SLC41A2: variants seen among roughly 807,000 people sequenced by gnomAD.
The protein encoded by SLC41A2 is solute carrier family 41 member 2.
Under a neutral mutation model 58.3 loss-of-function variants are expected in SLC41A2, and 32 were observed. The ratio of observed to expected loss-of-function variants is 0.55; its 90% CI spans 0.41 to 0.74. The LOEUF (loss-of-function observed/expected upper bound fraction) is 0.74, where lower values mean the gene tolerates loss of function less well. Ranked by LOEUF, SLC41A2 falls within the 30% of genes least tolerant of loss-of-function variation. The pLI is 0.00. For missense variants in SLC41A2, 514 were observed against 680.6 expected, an observed-to-expected ratio of 0.76 and a Z score of 2.72; for synonymous variants, 190 against 235.0, an observed-to-expected ratio of 0.81 and a Z score of 1.75.
chr12:104,913,639 T>C (rs1433395448), intron 2 of SLC41A2, among the ~76,000 whole-genome samples: 1 of 152,222 alleles, frequency 6.6e-6, no homozygotes, highest in East Asian at 1.9e-4. Context: ...TATTTCCTTT[T>C]TCCCCTCCTT....
intron 7 of SLC41A2, 111 bp downstream of exon 7, chr12:104,866,320 CA>C (rs138484673): frequency 0.031 from 38,621 of 1,255,612 alleles, 697 homozygotes; most frequent in Non-Finnish European, 0.035. Flanking sequence ...ACAGGCAATT[CA>C]TTTATTTTAA....
At chr12:104,845,425 A>G (rs2136334874) in intron 9 of SLC41A2, among the ~76,000 whole-genome samples, 1 of 152,332 alleles carries the variant, frequency 6.6e-6, no homozygotes, top group African/African-American at 2.4e-5. Context: ...TTGTTTTTTC[A>G]TAGCCACATA....
chr12:104,946,145 A>G (rs2047711584), intron 1 of SLC41A2, among the ~76,000 whole-genome samples: 1 of 152,234 alleles, frequency 6.6e-6, no homozygotes, highest in African/African-American at 2.4e-5. Flanking sequence ...CCAGGGATTG[A>G]GAAAGGAATA....
At chr12:104,872,296 A>C (rs566208644) in intron 6 of SLC41A2, among the ~76,000 whole-genome samples, 1 of 152,328 alleles carries the variant, frequency 6.6e-6, no homozygotes, top group African/African-American at 2.4e-5. Context: ...GGATGACTAC[A>C]AAAAATAAAG....
intron 6 of SLC41A2, among the ~76,000 whole-genome samples, chr12:104,875,049 C>T (rs569148198): frequency 6.6e-6 from 1 of 152,222 alleles, no homozygotes; most frequent in Non-Finnish European, 1.5e-5. Flanking sequence ...AGATATTTCA[C>T]CTCCTTTGTT....
In SLC41A2 at chr12:104,801,957, CTTTATTT is replaced by C. The variant is rs1457826154; in HGVS notation, c.*3188_*3194del. Among the ~76,000 whole-genome samples the C allele has an allele frequency of 1.3e-5, 2 of 151,832 alleles. No individual in the cohort carries two copies. Among genetic ancestry groups the C allele is most frequent in the Non-Finnish European group, 2.9e-5 (2 of 67,994 alleles). On this transcript the variant is annotated 3_prime_UTR_variant, in exon 11 of 11. Coordinates refer to ENST00000258538, the MANE Select transcript of SLC41A2 (RefSeq NM_001352171.3). ...GGATAATTATTTCTTAAATTTTATT[CTTTATTT>C]GAGTTTAAAACAATTCGAAGATGGC...
intron 10 of SLC41A2, chr12:104,833,960 GC>G (rs1280395055): frequency 1.1e-6 from 1 of 924,718 alleles, no homozygotes; most frequent in African/African-American, 1.8e-5. Context: ...TGCAATGTCA[GC>G]AGGATTCAGA....
chr12:104,919,672 C>T (rs555286993), intron 2 of SLC41A2, among the ~76,000 whole-genome samples: 10 of 152,044 alleles, frequency 6.6e-5, no homozygotes, highest in Non-Finnish European at 1.5e-4. Flanking sequence ...GGGTCTTCTG[C>T]CAATTTTCTA....
intron 8 of SLC41A2, among the ~76,000 whole-genome samples, chr12:104,853,927 T>A (rs1354243595): frequency 4.4e-5 from 6 of 135,018 alleles, no homozygotes; most frequent in Admixed American, 7.5e-5. Context: ...TTTTTTTTTT[T>A]TTTTTTTTTT....
intron 8 of SLC41A2, among the ~76,000 whole-genome samples, chr12:104,854,248 T>C (rs1018153562): frequency 4.0e-5 from 6 of 151,172 alleles, no homozygotes; most frequent in Non-Finnish European, 7.4e-5. Flanking sequence ...CTTCAAAAGG[T>C]GATGATGAAA....
intron 3 of SLC41A2, among the ~76,000 whole-genome samples, chr12:104,904,454 TATAAC>T (rs879671942): frequency 5.9e-5 from 9 of 152,232 alleles, no homozygotes; most frequent in African/African-American, 1.7e-4. Context: ...CACCAGTTCT[TATAAC>T]ATAATACAAG....
At chr12:104,855,078 A>C (rs1313562320) in intron 8 of SLC41A2, among the ~76,000 whole-genome samples, 2 of 152,096 alleles carry the variant, frequency 1.3e-5, no homozygotes, top group Non-Finnish European at 2.9e-5. Flanking sequence ...AAACGTACCC[A>C]CATGTCTCTT....
At chr12:104,825,407 C>T (rs1312510100) in intron 10 of SLC41A2, among the ~76,000 whole-genome samples, 1 of 152,218 alleles carries the variant, frequency 6.6e-6, no homozygotes, top group Non-Finnish European at 1.5e-5. Flanking sequence ...AACATTTCTC[C>T]TTTGGCCAAG....
At chr12:104,955,899 C>T (rs2048150033) in intron 1 of SLC41A2, among the ~76,000 whole-genome samples, 1 of 152,146 alleles carries the variant, frequency 6.6e-6, no homozygotes, top group South Asian at 2.1e-4. Context: ...TTACCACCCA[C>T]ACATGAACAT....
At chr12:104,855,991 G>T (rs373286358) in intron 8 of SLC41A2, among the ~76,000 whole-genome samples, 1 of 151,960 alleles carries the variant, frequency 6.6e-6, no homozygotes, top group Non-Finnish European at 1.5e-5. Context: ...GCCATGAAAT[G>T]AGCCGTATGA....
At chr12:104,909,030 C>T (rs1052386767) in intron 3 of SLC41A2, among the ~76,000 whole-genome samples, 5 of 152,028 alleles carry the variant, frequency 3.3e-5, no homozygotes, top group South Asian at 2.1e-4. Flanking sequence ...TATTCAATAA[C>T]GACACAGATC....
At chr12:104,847,321 C>T (rs981548418) in intron 8 of SLC41A2, among the ~76,000 whole-genome samples, 5 of 151,716 alleles carry the variant, frequency 3.3e-5, no homozygotes, top group Non-Finnish European at 5.9e-5. Context: ...AAGGTCAAGA[C>T]GGCCAGGAGC....
At chr12:104,885,498 G>A (rs186607386) in intron 6 of SLC41A2, among the ~76,000 whole-genome samples, 5 of 152,208 alleles carry the variant, frequency 3.3e-5, no homozygotes, top group Non-Finnish European at 7.4e-5. Context: ...CATATGTGAG[G>A]ATTTGTGAAT....
rs1451694817 is a variant in SLC41A2 at position 104,845,936 on chromosome 12, T to A, written c.1294A>T (p.Ile432Phe). 1 of 1,613,834 alleles carries A rather than the reference T, an allele frequency of 6.2e-7. No individual in the cohort carries two copies. Reference protein sequence around the residue: ...GNLVAIQASRISTYLHLHSIP... With the variant: ...GNLVAIQASRFSTYLHLHSIP... ...CTATGTAAATGGAGGTAGGTAGAAA[T>A]CCTGCTAGCCTGAATGGCCACCAAA... is the stretch of plus-strand genomic sequence containing the variant. Residue 432 changes from isoleucine to phenylalanine, a missense_variant, in exon 9 of 11, where the codon ATT (isoleucine) becomes TTT (phenylalanine). Physicochemically the swap from Ile to Phe is conservative, Grantham distance 21. Transcript: ENST00000258538.
Sources: gnomAD v4.1 joint callset for allele counts (sites outside exome capture counted in the v4.1 genomes callset) on GRCh38, gnomAD v4.1.1 for gene constraint, MANE v1.5 for transcripts, NCBI Gene and HGNC (gene_info 2026-07-23, HGNC 2026-07-21) for gene names.